TRIM33: variants seen among roughly 807,000 people sequenced by gnomAD.
TRIM33 encodes the protein tripartite motif containing 33, also known as E3 ubiquitin-protein ligase TRIM33.
Under a neutral mutation model 125.4 loss-of-function variants are expected in TRIM33, and 20 were observed. The observed-to-expected ratio is 0.16, with a 90% confidence interval of 0.11 to 0.23. TRIM33 has a LOEUF of 0.23. Ranked by LOEUF, TRIM33 falls within the 10% of genes least tolerant of loss-of-function variation. The probability of loss-of-function intolerance (pLI) is 1.00; values close to 1 mark genes in which losing one functional copy is unlikely to be tolerated. For synonymous variants in TRIM33, 564 were observed against 513.9 expected (o/e 1.10, Z -1.32); for missense variants, 920 against 1,411.4 (o/e 0.65, Z 5.58).
chr1:114,447,522 G>A (rs1006831564), intron 4 of TRIM33, among the ~76,000 whole-genome samples: 1 of 152,162 alleles, frequency 6.6e-6, no homozygotes, highest in Admixed American at 6.5e-5. Context: ...AGTGGGAGAT[G>A]TCAGAGTCTG....
At chr1:114,461,294 A>G (rs921979421) in intron 4 of TRIM33, among the ~76,000 whole-genome samples, 1 of 141,592 alleles carries the variant, frequency 7.1e-6, no homozygotes, top group East Asian at 2.0e-4. Context: ...TTATATATTT[A>G]TATATTATAT....
chr1:114,497,590 C>G (rs1022105191), intron 1 of TRIM33, among the ~76,000 whole-genome samples: 1 of 152,142 alleles, frequency 6.6e-6, no homozygotes, highest in African/African-American at 2.4e-5. Flanking sequence ...CGTAAGCCAC[C>G]CTGCCTGGCC....
At chr1:114,467,601 A>G (rs966526490) in intron 1 of TRIM33, among the ~76,000 whole-genome samples, 5 of 152,202 alleles carry the variant, frequency 3.3e-5, no homozygotes, top group Non-Finnish European at 7.3e-5. Flanking sequence ...TTTCAACTGC[A>G]AACCACAGGA....
intron 5 of TRIM33, among the ~76,000 whole-genome samples, chr1:114,431,942 CAG>C (rs771282606): frequency 1.8e-4 from 28 of 152,096 alleles, no homozygotes; most frequent in African/African-American, 2.7e-4. Context: ...ATGCTGAAAA[CAG>C]AGAGTAGTTA....
Position 114,395,699 on chromosome 1 carries a change from A to C in TRIM33, c.*1949T>G, listed in dbSNP as rs1331887446. The C allele has an allele frequency of 5.2e-6, 1 of 192,178 alleles. No homozygotes were observed. The highest frequency in any genetic ancestry group is 2.3e-5 in the African/African-American group (1 of 43,118). The allele number at this position is 192,178 out of a possible 1,614,324, so 11.9% of individuals were successfully genotyped here. ...TATTAAAAAACATTTTTAGGAATTT[A>C]AAATTTGAGTAAAATGTTTCAACAG... is the stretch of plus-strand genomic sequence containing the variant. On this transcript the variant is annotated 3_prime_UTR_variant, in exon 20 of 20. Transcript: ENST00000358465.
At position 114,410,289 on chromosome 1, in the gene TRIM33, C is replaced by A. The variant is rs1212167094; in HGVS notation, c.2089G>T (p.Asp697Tyr). The A allele has an allele frequency of 6.2e-7, 1 of 1,613,358 alleles. No homozygotes were observed. Among genetic ancestry groups the A allele is most frequent in the Non-Finnish European group, 8.5e-7 (1 of 1,179,696 alleles). Residue 697 changes from aspartate (D) to tyrosine (Y), a missense_variant, in exon 12 of 20, where the codon GAT becomes TAT. Asp to Tyr is a radical substitution (Grantham distance 160). This residue lies in a region of TRIM33 where 407 missense variants were observed against 589.7 expected (regional missense o/e 0.69). Coordinates refer to ENST00000358465, the MANE Select transcript of TRIM33 (RefSeq NM_015906.4). Reference protein sequence around the residue: ...QLEDAGSSSLDNLLSRYISGS... With the variant: ...QLEDAGSSSLYNLLSRYISGS... ...GAGATGTATCTACTTAGTAGATTAT[C>A]TAAACTACTTGAGCCAGCATCTTCC... is the stretch of plus-strand genomic sequence containing the variant.
In TRIM33 at chr1:114,452,237, G is replaced by A. The variant is rs144236895; in HGVS notation, c.923+10867C>T. ...GCCTGTAATCCCAGCACTGGTGGGC[G>A]GATCACGAGGTCGAGAGATTGAGAC... On this transcript the variant is annotated intron_variant, in intron 4 of 19. Transcript: ENST00000358465. 5.8e-4 allele frequency among the ~76,000 whole-genome samples: 89 copies of A among 152,170 alleles called. 5 individuals are homozygous for A. The East Asian group carries it at 0.011, about 18-fold the overall frequency.
intron 1 of TRIM33, among the ~76,000 whole-genome samples, chr1:114,478,049 TCA>T (rs1207513413): frequency 6.6e-6 from 1 of 152,060 alleles, no homozygotes; most frequent in Non-Finnish European, 1.5e-5. Context: ...TACAAAACTG[TCA>T]CAAAGAAAAA....
intron 1 of TRIM33, among the ~76,000 whole-genome samples, chr1:114,469,931 A>C (rs1407597503): frequency 6.6e-6 from 1 of 152,238 alleles, no homozygotes; most frequent in Non-Finnish European, 1.5e-5. Flanking sequence ...AAATCCTATA[A>C]AATAATATCA....
intron 1 of TRIM33, 96 bp downstream of exon 1, chr1:114,510,455 C>T: frequency 8.2e-7 from 1 of 1,219,306 alleles, no homozygotes; most frequent in Non-Finnish European, 1.1e-6. Context: ...TGGCGCCCGT[C>T]CGAGCAGCCC....
At chr1:114,499,331 TC>T (rs1262852811) in intron 1 of TRIM33, among the ~76,000 whole-genome samples, 1 of 152,100 alleles carries the variant, frequency 6.6e-6, no homozygotes, top group African/African-American at 2.4e-5. Context: ...AGACTCATCT[TC>T]CTAAAACTGA....
intron 4 of TRIM33, among the ~76,000 whole-genome samples, chr1:114,445,669 A>G (rs1188372071): frequency 6.6e-6 from 1 of 152,232 alleles, no homozygotes; most frequent in African/African-American, 2.4e-5. Flanking sequence ...GGAAAGGCCA[A>G]AGAAAAAGAG....
intron 4 of TRIM33, among the ~76,000 whole-genome samples, chr1:114,435,526 A>G (rs952910826): frequency 8.5e-5 from 13 of 152,230 alleles, no homozygotes; most frequent in Admixed American, 7.2e-4. Context: ...TAAGGCAGAC[A>G]AGAGGAAAGA....
chr1:114,418,343 C>T (rs533120157), intron 11 of TRIM33, among the ~76,000 whole-genome samples: 1 of 152,332 alleles, frequency 6.6e-6, no homozygotes, highest in East Asian at 1.9e-4. Flanking sequence ...GGACACAGAG[C>T]CAAACTGTAT....
chr1:114,482,864 G>A (rs1557893104), intron 1 of TRIM33, among the ~76,000 whole-genome samples: 1 of 152,168 alleles, frequency 6.6e-6, no homozygotes, highest in Non-Finnish European at 1.5e-5. Flanking sequence ...GGCCTCCCCA[G>A]AAGCAGAAGC....
chr1:114,476,488 A>G (rs1188120453), intron 1 of TRIM33, among the ~76,000 whole-genome samples: 1 of 152,158 alleles, frequency 6.6e-6, no homozygotes, highest in South Asian at 2.1e-4. Flanking sequence ...TTCCTTGACA[A>G]ATTTTTTAAA....
At chr1:114,484,836 G>T (rs188223064) in intron 1 of TRIM33, among the ~76,000 whole-genome samples, 2 of 152,120 alleles carry the variant, frequency 1.3e-5, no homozygotes, top group Non-Finnish European at 2.9e-5. Flanking sequence ...CTGCACTCCA[G>T]CCTGGATGAC....
chr1:114,485,426 C>T (rs7529160), intron 1 of TRIM33, among the ~76,000 whole-genome samples: 3,523 of 152,204 alleles, frequency 0.023, 129 homozygotes, highest in African/African-American at 0.08. Flanking sequence ...CACTTCTTAT[C>T]CCTTTGCCTG....
intron 1 of TRIM33, among the ~76,000 whole-genome samples, chr1:114,475,859 T>A (rs1650946860): frequency 6.6e-6 from 1 of 151,750 alleles, no homozygotes; most frequent in Admixed American, 6.6e-5. Context: ...AAAAACTAGC[T>A]CAGCGTGTAG....
Sources: gnomAD v4.1 joint callset for allele counts (sites outside exome capture counted in the v4.1 genomes callset) on GRCh38, gnomAD v4.1.1 for gene constraint, gnomAD v4.1.1 regional missense constraint, MANE v1.5 for transcripts, NCBI Gene and HGNC (gene_info 2026-07-23, HGNC 2026-07-21) for gene names.